Variants in DOCK3 observed in about 807,000 individuals in gnomAD.
DOCK3 encodes the protein dedicator of cytokinesis protein 3.
DOCK3 carries 60 observed loss-of-function variants against 265.6 expected under a neutral mutation model. The observed-to-expected ratio is 0.23, with a 90% CI of 0.18 to 0.28. The LOEUF is 0.28. DOCK3 is among the 10% of genes least tolerant of loss of function. DOCK3 has a pLI of 1.00. For synonymous variants in DOCK3, 881 were observed against 938.0 expected (o/e 0.94, Z 1.11); for missense variants, 1,981 against 2,594.3 (o/e 0.76, Z 5.14).
chr3:51,175,314 A>G (rs1442357843), intron 12 of DOCK3, among the ~76,000 whole-genome samples: 2 of 152,088 alleles, frequency 1.3e-5, no homozygotes, highest in Non-Finnish European at 1.5e-5. Flanking sequence ...CTGCCTCTAG[A>G]CAGGTGTGTC....
intron 1 of DOCK3, among the ~76,000 whole-genome samples, chr3:50,687,522 C>G (rs1048766237): frequency 2.0e-5 from 3 of 152,204 alleles, no homozygotes; most frequent in Admixed American, 6.5e-5. Context: ...CATCTCACTT[C>G]TGTGTGTAAG....
chr3:51,093,878 G>T (rs1179439993), intron 9 of DOCK3, among the ~76,000 whole-genome samples: 1 of 152,176 alleles, frequency 6.6e-6, no homozygotes, highest in Non-Finnish European at 1.5e-5. Context: ...TTAGCATGAA[G>T]CAGTGTTTAA....
chr3:51,270,983 G>A lies in DOCK3; in HGVS notation c.2524G>A (p.Asp842Asn). The A allele has an allele frequency of 1.2e-6, 2 of 1,613,058 alleles. No homozygotes were observed. Among genetic ancestry groups the A allele is most frequent in the South Asian group, 2.2e-5 (2 of 90,922 alleles). Residue 842 changes from aspartate (D) to asparagine (N), a missense_variant, in exon 24 of 53, where the codon GAT (aspartate) becomes AAT (asparagine). By Grantham distance (23) the Asp-to-Asn change is conservative. Around this residue, in one of 4 missense-constraint regions of DOCK3, gnomAD observed 1,357 missense variants for 1,866.8 expected, o/e 0.73. Coordinates refer to ENST00000266037, the MANE Select transcript of DOCK3 (RefSeq NM_004947.5). ...GCTGCAGTCCATTGCCAGGACAGTG[G>A]ATAGCCGCCTGTTTTCTTTCTCAGG... is the stretch of plus-strand genomic sequence containing the variant. ...VKLQSIARTV[D>N]SRLFSFSESR...
chr3:50,922,870 A>G (rs1020754903), intron 4 of DOCK3, among the ~76,000 whole-genome samples: 2 of 151,918 alleles, frequency 1.3e-5, no homozygotes, highest in Non-Finnish European at 2.9e-5. Flanking sequence ...CCCATCACCC[A>G]AGCAGTATAC....
intron 38 of DOCK3, among the ~76,000 whole-genome samples, chr3:51,346,217 G>A (rs1431694166): frequency 1.3e-5 from 2 of 152,060 alleles, no homozygotes; most frequent in African/African-American, 4.8e-5. Context: ...TGTATACTGT[G>A]CCATGTTGGT....
intron 5 of DOCK3, among the ~76,000 whole-genome samples, chr3:51,005,876 C>T (rs1235317424): frequency 1.3e-5 from 2 of 152,112 alleles, no homozygotes; most frequent in Admixed American, 6.5e-5. Context: ...TTGCCTAAAA[C>T]CCTCCAATGG....
At chr3:51,146,753 C>T in intron 10 of DOCK3, 123 bp downstream of exon 10, 2 of 773,942 alleles carry the variant, frequency 2.6e-6, no homozygotes, top group Non-Finnish European at 4.1e-6. Flanking sequence ...GAGAATAGGA[C>T]TTGATTTATG....
At chr3:51,021,222 G>A (rs2079576145) in intron 5 of DOCK3, among the ~76,000 whole-genome samples, 1 of 151,728 alleles carries the variant, frequency 6.6e-6, no homozygotes, top group South Asian at 2.1e-4. Context: ...TTCAAATTCA[G>A]GAAATACAGA....
At chr3:50,994,876 A>G (rs2078225629) in intron 5 of DOCK3, among the ~76,000 whole-genome samples, 1 of 152,204 alleles carries the variant, frequency 6.6e-6, no homozygotes, top group Non-Finnish European at 1.5e-5. Context: ...AATAAATGTT[A>G]CCTGTTATCA....
intron 37 of DOCK3, among the ~76,000 whole-genome samples, chr3:51,339,377 G>T (rs2085085302): frequency 6.6e-6 from 1 of 152,176 alleles, no homozygotes; most frequent in African/African-American, 2.4e-5. Flanking sequence ...TATGAACAGA[G>T]AGCCTTTTTT....
intron 3 of DOCK3, among the ~76,000 whole-genome samples, chr3:50,854,063 A>G (rs1195505058): frequency 6.6e-6 from 1 of 152,060 alleles, no homozygotes; most frequent in African/African-American, 2.4e-5. Context: ...CCTGATGAAT[A>G]GTTACATTGA....
intron 2 of DOCK3, among the ~76,000 whole-genome samples, chr3:50,781,399 G>A (rs570652613): frequency 6.0e-5 from 9 of 151,162 alleles, no homozygotes; most frequent in Non-Finnish European, 7.4e-5. Flanking sequence ...CTGAGTGGCT[G>A]GGACTACAGG....
chr3:50,946,648 A>G (rs2076436450), intron 5 of DOCK3, among the ~76,000 whole-genome samples: 1 of 152,222 alleles, frequency 6.6e-6, no homozygotes, highest in Non-Finnish European at 1.5e-5. Context: ...GTTGTATGAT[A>G]CACTTCTGGC....
At chr3:51,260,530 G>A (rs1218648903) in intron 23 of DOCK3, among the ~76,000 whole-genome samples, 1 of 152,182 alleles carries the variant, frequency 6.6e-6, no homozygotes, top group Non-Finnish European at 1.5e-5. Context: ...ATGTAAAACA[G>A]CTCAGTGGCT....
intron 1 of DOCK3, among the ~76,000 whole-genome samples, chr3:50,773,901 A>G (rs2108489963): frequency 6.6e-6 from 1 of 152,142 alleles, no homozygotes; most frequent in Non-Finnish European, 1.5e-5. Context: ...ATATTAAGTG[A>G]TAGAGCTTGG....
chr3:50,886,656 T>C (rs1302298643), intron 3 of DOCK3, among the ~76,000 whole-genome samples: 1 of 150,070 alleles, frequency 6.7e-6, no homozygotes, highest in African/African-American at 2.5e-5. Context: ...AGAACATGTA[T>C]GTGGTGTTTG....
At chr3:51,362,890 C>T (rs1049229795) in intron 49 of DOCK3, among the ~76,000 whole-genome samples, 1 of 152,218 alleles carries the variant, frequency 6.6e-6, no homozygotes, top group African/African-American at 2.4e-5. Flanking sequence ...GCCGCTGTGC[C>T]GCCATTGCAT....
At chr3:50,743,751 A>G (rs1261134759) in intron 1 of DOCK3, among the ~76,000 whole-genome samples, 2 of 152,224 alleles carry the variant, frequency 1.3e-5, no homozygotes, top group Non-Finnish European at 2.9e-5. Flanking sequence ...GGGGACTTTA[A>G]CAGTCTCTGT....
intron 1 of DOCK3, among the ~76,000 whole-genome samples, chr3:50,766,282 C>G (rs1433064040): frequency 7.8e-6 from 1 of 128,580 alleles, no homozygotes; most frequent in Non-Finnish European, 1.6e-5. Flanking sequence ...CTCCCCCCAC[C>G]CCACAACAGG....
Sources: gnomAD v4.1 joint callset for allele counts (sites outside exome capture counted in the v4.1 genomes callset) on GRCh38, gnomAD v4.1.1 for gene constraint, gnomAD v4.1.1 regional missense constraint, MANE v1.5 for transcripts, NCBI Gene and HGNC (gene_info 2026-07-23, HGNC 2026-07-21) for gene names.